The following NRG3 variants were observed in gnomAD, a reference collection of about 807,000 sequenced individuals.
NRG3 encodes the protein neuregulin 3.
Under a neutral mutation model 66.9 loss-of-function variants are expected in NRG3, and 31 were observed. The observed-to-expected ratio is 0.46, with a 90% CI of 0.35 to 0.63. The LOEUF (loss-of-function observed/expected upper bound fraction) is 0.63, where lower values mean the gene tolerates loss of function less well. Ranked by LOEUF, NRG3 falls within the 20% of genes least tolerant of loss-of-function variation. The probability of loss-of-function intolerance (pLI) is 0.00; values close to 1 mark genes in which losing one functional copy is unlikely to be tolerated. For synonymous variants in NRG3, 393 were observed against 359.4 expected, an observed-to-expected ratio of 1.09 and a Z score of -1.06; for missense variants, 910 against 878.9, an observed-to-expected ratio of 1.04 and a Z score of -0.45.
chr10:82,799,808 A>G (rs2060960621), intron 3 of NRG3: 1 of 152,180 alleles, frequency 6.6e-6, no homozygotes, highest in Admixed American at 6.5e-5. Flanking sequence ...GCAGTGAAAC[A>G]TCGGCCTTTT....
In NRG3 at chr10:82,256,620, T is replaced by C. The variant is rs140106616; in HGVS notation, c.824-102119T>C. The stretch of plus-strand genomic sequence containing the variant: ...TCTCTTTCTGTTCTTGTGGGATAAC[T>C]ATGGGAATAAAATTCAGATTTATTT... On this transcript the variant is annotated intron_variant, in intron 1 of 8. Transcript: ENST00000372141. Among the ~76,000 whole-genome samples, 690 of 152,324 alleles carry C rather than the reference T, an allele frequency of 4.5e-3. 3 individuals carry two copies. Among genetic ancestry groups the C allele is most frequent in the Non-Finnish European group, 6.9e-3 (468 of 68,030 alleles).
chr10:82,350,954 C>T (rs1231503291), intron 1 of NRG3, among the ~76,000 whole-genome samples: 2 of 151,554 alleles, frequency 1.3e-5, no homozygotes, highest in East Asian at 1.9e-4. Context: ...TGCTGTGGCG[C>T]GATCTCGGCT....
At chr10:82,039,176 T>C (rs148627064) in intron 1 of NRG3, among the ~76,000 whole-genome samples, 1 of 152,122 alleles carries the variant, frequency 6.6e-6, no homozygotes, top group Non-Finnish European at 1.5e-5. Context: ...CAAGTTCCAA[T>C]GCGAAGCAGC....
intron 2 of NRG3, among the ~76,000 whole-genome samples, chr10:82,392,139 G>C (rs2086416258): frequency 6.6e-6 from 1 of 151,862 alleles, no homozygotes; most frequent in Admixed American, 6.6e-5. Flanking sequence ...ACACTCTGCT[G>C]TCTTCACCAA....
intron 2 of NRG3, among the ~76,000 whole-genome samples, chr10:82,511,603 T>G (rs1271690591): frequency 1.3e-5 from 2 of 152,126 alleles, no homozygotes. Context: ...GCACAGAAGC[T>G]GGCCATTTTA....
At chr10:82,475,956 G>A (rs143417763) in intron 2 of NRG3, among the ~76,000 whole-genome samples, 210 of 152,144 alleles carry the variant, frequency 1.4e-3, no homozygotes, top group African/African-American at 4.9e-3. Flanking sequence ...AAGCAGTTAA[G>A]GTCCAAAATA....
chr10:82,637,091 C>T (rs1045727585), intron 2 of NRG3, among the ~76,000 whole-genome samples: 14 of 152,024 alleles, frequency 9.2e-5, no homozygotes, highest in African/African-American at 3.4e-4. Flanking sequence ...AAATAGATAA[C>T]TATGTGAGAC....
intron 1 of NRG3, among the ~76,000 whole-genome samples, chr10:81,999,569 C>T (rs1258729269): frequency 1.3e-5 from 2 of 152,114 alleles, no homozygotes; most frequent in Non-Finnish European, 2.9e-5. Context: ...TGTAATGAGA[C>T]TACATAACTT....
intron 2 of NRG3, among the ~76,000 whole-genome samples, chr10:82,428,500 C>A (rs1381091416): frequency 1.3e-5 from 2 of 151,768 alleles, no homozygotes; most frequent in Non-Finnish European, 2.9e-5. Context: ...TTTTTACTTA[C>A]ATATATTTGT....
chr10:81,914,546 A>G (rs1830546517), intron 1 of NRG3, among the ~76,000 whole-genome samples: 1 of 151,908 alleles, frequency 6.6e-6, no homozygotes, highest in African/African-American at 2.4e-5. Context: ...CAGCCTGGGC[A>G]ACATTGCGAG....
At chr10:82,174,055 C>G (rs1340213485) in intron 1 of NRG3, among the ~76,000 whole-genome samples, 1 of 152,122 alleles carries the variant, frequency 6.6e-6, no homozygotes. Flanking sequence ...CCGGAAATTA[C>G]CTGGAGTCCG....
chr10:82,238,567 G>C (rs1287549280), intron 1 of NRG3, among the ~76,000 whole-genome samples: 1 of 152,016 alleles, frequency 6.6e-6, no homozygotes, highest in East Asian at 1.9e-4. Flanking sequence ...GCATCATCCA[G>C]TTCTTTTTCT....
At chr10:82,848,377 A>G (rs1184095045) in intron 3 of NRG3, among the ~76,000 whole-genome samples, 5 of 152,194 alleles carry the variant, frequency 3.3e-5, no homozygotes, top group Non-Finnish European at 5.9e-5. Context: ...TCAGACTTGC[A>G]TGGGGCCTGT....
chr10:82,428,102 CTAGT>C (rs1221894858), intron 2 of NRG3, among the ~76,000 whole-genome samples: 1 of 151,762 alleles, frequency 6.6e-6, no homozygotes, highest in Non-Finnish European at 1.5e-5. Flanking sequence ...CATGGTTAGT[CTAGT>C]TAAAAATTTT....
intron 3 of NRG3, among the ~76,000 whole-genome samples, chr10:82,847,073 C>T (rs1165881717): frequency 3.9e-5 from 6 of 152,174 alleles, no homozygotes; most frequent in East Asian, 3.9e-4. Context: ...CATCTACCAT[C>T]GTAGCATGTG....
intron 1 of NRG3, among the ~76,000 whole-genome samples, chr10:82,184,539 TTTTA>T (rs1341659629): frequency 6.6e-6 from 1 of 152,156 alleles, no homozygotes; most frequent in African/African-American, 2.4e-5. Flanking sequence ...AACTTGAAAT[TTTTA>T]TTTATGTATA....
At chr10:82,058,739 G>A (rs1253126062) in intron 1 of NRG3, among the ~76,000 whole-genome samples, 1 of 151,736 alleles carries the variant, frequency 6.6e-6, no homozygotes, top group African/African-American at 2.4e-5. Context: ...TTTGCCTCAG[G>A]CCTTGAGAAC....
chr10:82,876,389 A>G (rs1841823192), intron 4 of NRG3, among the ~76,000 whole-genome samples: 1 of 152,212 alleles, frequency 6.6e-6, no homozygotes, highest in Non-Finnish European at 1.5e-5. Flanking sequence ...TAGTTGAAGG[A>G]TCAAGACCAG....
chr10:82,655,998 C>A (rs984047099), intron 2 of NRG3, among the ~76,000 whole-genome samples: 6 of 152,138 alleles, frequency 3.9e-5, no homozygotes, highest in African/African-American at 1.2e-4. Context: ...AGAAAAGGGA[C>A]TCTCATAGAG....
Sources: gnomAD v4.1 joint callset for allele counts (sites outside exome capture counted in the v4.1 genomes callset) on GRCh38, gnomAD v4.1.1 for gene constraint, MANE v1.5 for transcripts, NCBI Gene and HGNC (gene_info 2026-07-23, HGNC 2026-07-21) for gene names.